The following NTRK3 variants were observed in gnomAD, a reference collection of about 807,000 sequenced individuals.
NTRK3 encodes the protein neurotrophic receptor tyrosine kinase 3, also known as NT-3 growth factor receptor.
In NTRK3, 24 loss-of-function variants were observed where a neutral mutation model predicts 91.7. That is an observed-to-expected ratio of 0.26 (90% CI 0.19 to 0.37). The LOEUF is 0.37. Among genes scored for constraint, NTRK3 ranks in the 10% least tolerant of loss-of-function variants. The pLI is 1.00. For synonymous variants in NTRK3, 483 were observed against 404.0 expected (o/e 1.20, Z -2.34); for missense variants, 880 against 1,068.9 (o/e 0.82, Z 2.46).
chr15:87,993,665 A>G (rs1415499001), intron 14 of NTRK3, among the ~76,000 whole-genome samples: 1 of 152,170 alleles, frequency 6.6e-6, no homozygotes, highest in Non-Finnish European at 1.5e-5. Flanking sequence ...CACAGCTCCC[A>G]AGCATCAGCA....
At chr15:87,944,866 C>T (rs1200437143) in intron 14 of NTRK3, among the ~76,000 whole-genome samples, 1 of 152,264 alleles carries the variant, frequency 6.6e-6, no homozygotes. Context: ...AGCCGTTTCA[C>T]TTCTGACGTC....
chr15:88,136,049 C>G lies in NTRK3; in HGVS notation c.766-9G>C, dbSNP rs758806920. 7 of 1,614,016 alleles carry G rather than the reference C, an allele frequency of 4.3e-6. No homozygotes were observed. The African/African-American group carries it at 8.0e-5, about 18-fold the overall frequency. On this transcript the variant is annotated splice_polypyrimidine_tract_variant and intron_variant, in intron 8 of 18. Transcript: ENST00000394480. ...GTCCAGTTCAGATTGGTCTGAAAAC[C>G]CCAATAAAAAGATAACAATCAGATA...
intron 13 of NTRK3, among the ~76,000 whole-genome samples, chr15:88,095,470 AT>A (rs1283952922): frequency 6.6e-6 from 1 of 152,166 alleles, no homozygotes; most frequent in Admixed American, 6.5e-5. Flanking sequence ...TGTCAATGGC[AT>A]TTTTGGGAAA....
exon 9 of NTRK3, chr15:88,135,970 C>T (rs2151202081): frequency 6.2e-7 from 1 of 1,614,230 alleles, no homozygotes; most frequent in Non-Finnish European, 8.5e-7. Context: ...CAGGGTGAAG[C>T]CATTGTCCTC....
chr15:88,210,108 A>G (rs1278030344), intron 3 of NTRK3: 1 of 152,158 alleles, frequency 6.6e-6, no homozygotes, highest in Non-Finnish European at 1.5e-5. Context: ...AATATTATCA[A>G]TTTCTCTGTG....
chr15:88,101,003 A>C (rs1381511963), intron 13 of NTRK3, among the ~76,000 whole-genome samples: 2 of 152,246 alleles, frequency 1.3e-5, no homozygotes, highest in African/African-American at 4.8e-5. Context: ...AACAAAAGCC[A>C]AAATTGACAA....
intron 5 of NTRK3, among the ~76,000 whole-genome samples, chr15:88,165,604 T>C (rs2044858310): frequency 2.0e-5 from 3 of 152,232 alleles, no homozygotes; most frequent in African/African-American, 7.2e-5. Context: ...GTTTACTCTG[T>C]GTTTGTTAGG....
At chr15:87,955,259 C>T (rs903869145) in intron 14 of NTRK3, among the ~76,000 whole-genome samples, 1 of 152,220 alleles carries the variant, frequency 6.6e-6, no homozygotes, top group African/African-American at 2.4e-5. Flanking sequence ...TTTAATAACA[C>T]ACCTACTCCA....
intron 14 of NTRK3, among the ~76,000 whole-genome samples, chr15:87,966,630 G>T (rs926505776): frequency 6.6e-5 from 10 of 152,234 alleles, no homozygotes; most frequent in Non-Finnish European, 1.5e-4. Context: ...CGTACCTGCA[G>T]CGTAGCCCAC....
intron 3 of NTRK3, among the ~76,000 whole-genome samples, chr15:88,196,836 C>G (rs932845147): frequency 5.9e-5 from 9 of 152,210 alleles, no homozygotes; most frequent in African/African-American, 2.2e-4. Flanking sequence ...ACAGCTCTAC[C>G]CTTGATGCCT....
exon 19 of NTRK3, chr15:87,872,460 C>T (rs1386758163): frequency 2.2e-5 from 5 of 226,838 alleles, no homozygotes; most frequent in East Asian, 6.3e-5. Context: ...AAAATCTTGT[C>T]GGTTTTGACC....
chr15:87,917,492 T>C (rs934750629), intron 17 of NTRK3, among the ~76,000 whole-genome samples: 1 of 152,222 alleles, frequency 6.6e-6, no homozygotes, highest in Non-Finnish European at 1.5e-5. Flanking sequence ...CCGTTGTTTC[T>C]AACACTTTAA....
chr15:88,093,653 G>T (rs1017817981), intron 13 of NTRK3, among the ~76,000 whole-genome samples: 3 of 152,244 alleles, frequency 2.0e-5, no homozygotes, highest in East Asian at 3.9e-4. Flanking sequence ...AGAACATGTG[G>T]TCTGATCCCT....
intron 14 of NTRK3, among the ~76,000 whole-genome samples, chr15:88,007,418 C>T (rs2076570942): frequency 6.6e-6 from 1 of 152,082 alleles, no homozygotes; most frequent in Non-Finnish European, 1.5e-5. Context: ...ATTCTTGGGC[C>T]AGGATAGGAC....
chr15:87,878,688 T>G (rs1166257925), intron 18 of NTRK3, among the ~76,000 whole-genome samples: 1 of 152,090 alleles, frequency 6.6e-6, no homozygotes, highest in Non-Finnish European at 1.5e-5. Flanking sequence ...GCTGCTATGG[T>G]GGGTGGAGTG....
intron 14 of NTRK3, among the ~76,000 whole-genome samples, chr15:87,965,040 A>G (rs1224945414): frequency 6.6e-6 from 1 of 152,274 alleles, no homozygotes; most frequent in Non-Finnish European, 1.5e-5. Context: ...GCAAAAGATC[A>G]GTTAAATTGC....
exon 19 of NTRK3, chr15:87,862,966 G>T (rs533558568): frequency 2.4e-4 from 55 of 230,722 alleles, no homozygotes; most frequent in African/African-American, 1.2e-3. Flanking sequence ...GTCAAACATA[G>T]ACTTGTACAT....
intron 14 of NTRK3, 140 bp from the exon 15 acceptor site, chr15:87,940,893 T>C (rs2069772277): frequency 1.8e-6 from 2 of 1,135,128 alleles, no homozygotes; most frequent in Non-Finnish European, 2.6e-6. Context: ...GCACACCAGC[T>C]TTAGCATAAA....
intron 17 of NTRK3, among the ~76,000 whole-genome samples, chr15:87,884,925 C>G (rs2065450930): frequency 6.6e-6 from 1 of 151,720 alleles, no homozygotes; most frequent in Non-Finnish European, 1.5e-5. Flanking sequence ...GAGGTCCTAA[C>G]CAATGCAATA....
Sources: allele counts gnomAD v4.1 joint callset (sites outside exome capture counted in the v4.1 genomes callset), GRCh38; gene constraint gnomAD v4.1.1; transcripts MANE v1.5; gene names NCBI Gene and HGNC (gene_info 2026-07-23, HGNC 2026-07-21).